Variants in RUNX2 observed in about 807,000 individuals in gnomAD.
RUNX2 encodes runt-related transcription factor 2.
In RUNX2, 10 loss-of-function variants were observed where a neutral mutation model predicts 51.7. That is an observed-to-expected ratio of 0.19 (90% CI 0.12 to 0.33). The LOEUF (loss-of-function observed/expected upper bound fraction) is 0.33. RUNX2 is among the 10% of genes least tolerant of loss of function. The pLI, the probability that RUNX2 is intolerant of heterozygous loss-of-function variation, is 1.00. For synonymous variants in RUNX2, 276 were observed against 273.6 expected (o/e 1.01, Z -0.09); for missense variants, 562 against 691.3 (o/e 0.81, Z 2.10).
chr6:45,344,389 C>G (rs138819679), intron 2 of RUNX2, among the ~76,000 whole-genome samples: 1 of 152,162 alleles, frequency 6.6e-6, no homozygotes, highest in East Asian at 1.9e-4. Context: ...AAACAATGTA[C>G]TTTGTTGCCC....
At chr6:45,389,724 T>A (rs1797427792) in intron 2 of RUNX2, among the ~76,000 whole-genome samples, 1 of 152,078 alleles carries the variant, frequency 6.6e-6, no homozygotes. Context: ...TAGAACATAT[T>A]GGCAGGCCGG....
At chr6:45,544,624 G>A (rs1030396041) in intron 7 of RUNX2, among the ~76,000 whole-genome samples, 3 of 152,164 alleles carry the variant, frequency 2.0e-5, no homozygotes, top group African/African-American at 7.2e-5. Context: ...TCTGATACAC[G>A]CTGTTCACAT....
intron 2 of RUNX2, among the ~76,000 whole-genome samples, chr6:45,347,634 T>G (rs1180870927): frequency 6.6e-6 from 1 of 152,132 alleles, no homozygotes; most frequent in Non-Finnish European, 1.5e-5. Flanking sequence ...CAAGGGAATA[T>G]GCACATGACA....
chr6:45,380,770 T>C (rs1208146726), intron 2 of RUNX2, among the ~76,000 whole-genome samples: 1 of 151,974 alleles, frequency 6.6e-6, no homozygotes. Flanking sequence ...AGAGACGGGG[T>C]TTCACCATGT....
At chr6:45,394,660 A>G (rs1232314876) in intron 2 of RUNX2, among the ~76,000 whole-genome samples, 1 of 152,042 alleles carries the variant, frequency 6.6e-6, no homozygotes, top group Non-Finnish European at 1.5e-5. Flanking sequence ...TCCTCCCGAC[A>G]CTGCCATCAA....
Position 45,369,583 on chromosome 6 carries a change from T to C in RUNX2, c.58+40799T>C, listed in dbSNP as rs571738814. ...CCACTCTCCTCCACCAAAGACAGTG[T>C]ATCGTATCCTCCCTTAATTCCCTCC... On this transcript the variant is annotated intron_variant, in intron 2 of 8. Transcript: ENST00000647337. Among the ~76,000 whole-genome samples the C allele has an allele frequency of 5.3e-5, 8 of 152,218 alleles. No homozygotes were observed. The East Asian group carries it at 1.5e-3, about 29-fold the overall frequency.
At chr6:45,355,454 T>C (rs1792980893) in intron 2 of RUNX2, among the ~76,000 whole-genome samples, 1 of 152,116 alleles carries the variant, frequency 6.6e-6, no homozygotes, top group African/African-American at 2.4e-5. Context: ...CCAGGGTTTT[T>C]CATTGGGGGT....
chr6:45,413,343 C>T (rs1052123336), intron 2 of RUNX2, among the ~76,000 whole-genome samples: 3 of 150,876 alleles, frequency 2.0e-5, no homozygotes, highest in Non-Finnish European at 4.4e-5. Context: ...CACACACACA[C>T]AATCACCCTT....
chr6:45,480,285 A>G (rs1165569226), intron 5 of RUNX2, among the ~76,000 whole-genome samples: 2 of 152,196 alleles, frequency 1.3e-5, no homozygotes, highest in South Asian at 2.1e-4. Flanking sequence ...AGTTTATATC[A>G]TGTTACTCTT....
chr6:45,536,340 A>T (rs1436370812), intron 7 of RUNX2, among the ~76,000 whole-genome samples: 2 of 152,152 alleles, frequency 1.3e-5, no homozygotes, highest in Non-Finnish European at 2.9e-5. Flanking sequence ...TTTGAGGCTG[A>T]AGCCTGTGGC....
At chr6:45,400,894 A>T (rs1185028053) in intron 2 of RUNX2, among the ~76,000 whole-genome samples, 1 of 152,178 alleles carries the variant, frequency 6.6e-6, no homozygotes, top group Admixed American at 6.5e-5. Context: ...CTTGAAATTC[A>T]TTTTCTTTAG....
At chr6:45,366,130 T>C (rs1364924796) in intron 2 of RUNX2, among the ~76,000 whole-genome samples, 5 of 152,236 alleles carry the variant, frequency 3.3e-5, no homozygotes, top group Admixed American at 2.0e-4. Flanking sequence ...AGTTATTATT[T>C]CATATGCTTG....
At chr6:45,533,135 GGT>G (rs56014189) in intron 7 of RUNX2, among the ~76,000 whole-genome samples, 53,117 of 148,856 alleles carry the variant, frequency 0.36, 10,521 homozygotes, top group African/African-American at 0.56. Context: ...CCTCTGAAGG[GGT>G]GTGTGTGTGT....
In RUNX2 at chr6:45,547,802, A is replaced by T. The variant is rs1161429674; in HGVS notation, c.*497A>T. 5.4e-6 allele frequency: 1 copy of T among 185,552 alleles called. No individual in the cohort carries two copies. Among genetic ancestry groups the T allele is most frequent in the Non-Finnish European group, 1.1e-5 (1 of 87,124 alleles). The allele number at this position is 185,552 out of a possible 1,614,324, so 11.5% of individuals were successfully genotyped here. ...GTGCACTAAAGGGACATGAGGTAGA[A>T]TGGATGCTTCCATCACAGTACCATC... is the stretch of plus-strand genomic sequence containing the variant. On this transcript the variant is annotated 3_prime_UTR_variant, in exon 9 of 9. Coordinates refer to ENST00000647337, the MANE Select transcript of RUNX2 (RefSeq NM_001024630.4).
In RUNX2 at chr6:45,349,656, GTTTCAC is replaced by G. The variant is rs1313406691; in HGVS notation, c.58+20874_58+20879del. Among the ~76,000 whole-genome samples the G allele has an allele frequency of 2.6e-5, 4 of 152,242 alleles. No individual in the cohort carries two copies. The East Asian group carries it at 7.7e-4, about 29-fold the overall frequency. On this transcript the variant is annotated intron_variant, in intron 2 of 8. Coordinates refer to ENST00000647337, the MANE Select transcript of RUNX2 (RefSeq NM_001024630.4). ...GATTCATTTTTTTAAGTCATAGGTT[GTTTCAC>G]TGGTTTTCATCAATTTGCTGCTCTT... is the stretch of plus-strand genomic sequence containing the variant.
intron 7 of RUNX2, among the ~76,000 whole-genome samples, chr6:45,514,043 G>T (rs1436372462): frequency 6.6e-6 from 1 of 152,044 alleles, no homozygotes; most frequent in African/African-American, 2.4e-5. Context: ...CTTCTGTTTG[G>T]GGTCCCCTGG....
At chr6:45,418,443 C>T (rs1424000200) in intron 2 of RUNX2, among the ~76,000 whole-genome samples, 1 of 152,088 alleles carries the variant, frequency 6.6e-6, no homozygotes, top group Non-Finnish European at 1.5e-5. Context: ...CTTTTTAGTG[C>T]CATCACATAC....
intron 2 of RUNX2, among the ~76,000 whole-genome samples, chr6:45,335,274 T>C (rs1788329101): frequency 6.6e-6 from 1 of 151,318 alleles, no homozygotes; most frequent in Admixed American, 6.6e-5. Flanking sequence ...ACTAAATGAT[T>C]ACAAATTATT....
intron 2 of RUNX2, among the ~76,000 whole-genome samples, chr6:45,329,464 A>G (rs1457242553): frequency 6.6e-6 from 1 of 151,944 alleles, no homozygotes; most frequent in Non-Finnish European, 1.5e-5. Flanking sequence ...AAGTTCATGG[A>G]AGTATTTTAA....
Sources: allele counts gnomAD v4.1 joint callset (sites outside exome capture counted in the v4.1 genomes callset), GRCh38; gene constraint gnomAD v4.1.1; transcripts MANE v1.5; gene names NCBI Gene and HGNC (gene_info 2026-07-23, HGNC 2026-07-21).